PXT1: variants seen among roughly 807,000 people sequenced by gnomAD.
The protein encoded by PXT1 is peroxisomal testis enriched protein 1, also known as peroxisomal testis-specific protein 1.
A neutral mutation model predicts 11.0 loss-of-function variants in PXT1; 11 were observed. The observed-to-expected ratio is 1.00, with a 90% CI of 0.63 to 1.66. PXT1 has a LOEUF of 1.66. Among genes scored for constraint, PXT1 ranks in the 40% most tolerant of loss-of-function variants. The probability of loss-of-function intolerance (pLI) is 0.00; values close to 1 mark genes in which losing one functional copy is unlikely to be tolerated. For missense variants in PXT1, 141 were observed against 155.5 expected (o/e 0.91, Z 0.49); for synonymous variants, 43 against 51.4 (o/e 0.84, Z 0.70).
chr6:36,410,144 G>GGAGAGAGAGA (rs146278596), intron 3 of PXT1, among the ~76,000 whole-genome samples: 20 of 140,562 alleles, frequency 1.4e-4, no homozygotes, highest in East Asian at 4.4e-4. Context: ...AAGGAAGGAA[G>GGAGAGAGAGA]GAGAGAGAGA....
rs879441761 is a variant in PXT1 at position 36,425,802 on chromosome 6, A to AAAACAAACAAAC, written c.169+111_169+112insGTTTGTTTGTTT. 4.9e-3 allele frequency: 1,672 copies of AAAACAAACAAAC among 343,402 alleles called. 6 individuals carry two copies. Among genetic ancestry groups the AAAACAAACAAAC allele is most frequent in the Non-Finnish European group, 5.5e-3 (1,189 of 214,740 alleles). The allele number at this position is 343,402 out of a possible 1,614,324, so 21.3% of individuals were successfully genotyped here. A position where few individuals can be genotyped will look rare whatever the true frequency, so the allele number is the denominator to read the frequency against. ...GACTCTGTCTCAAAAAACAAAAACA[A>AAAACAAACAAAC]AAAATATATATATATATATATATAT... On this transcript the variant is annotated intron_variant, in intron 3 of 4. Coordinates refer to ENST00000454782, the MANE Select transcript of PXT1 (RefSeq NM_152990.4).
chr6:36,428,846 G>A (rs956744712), intron 2 of PXT1, among the ~76,000 whole-genome samples: 1 of 151,956 alleles, frequency 6.6e-6, no homozygotes, highest in African/African-American at 2.4e-5. Context: ...AGTAGAGACG[G>A]GGTTTCACCA....
intron 3 of PXT1, among the ~76,000 whole-genome samples, chr6:36,416,734 G>A (rs961438515): frequency 1.3e-5 from 2 of 152,158 alleles, no homozygotes; most frequent in Non-Finnish European, 2.9e-5. Context: ...ACTAGACCTG[G>A]TGATAGACAC....
chr6:36,413,411 C>T (rs1442193416), intron 3 of PXT1, among the ~76,000 whole-genome samples: 1 of 130,212 alleles, frequency 7.7e-6, no homozygotes, highest in Admixed American at 7.6e-5. Context: ...AGCGAGACTC[C>T]ATCTCAAAAA....
intron 2 of PXT1, among the ~76,000 whole-genome samples, chr6:36,430,007 G>A (rs1327678140): frequency 6.6e-6 from 1 of 151,748 alleles, no homozygotes; most frequent in African/African-American, 2.4e-5. Flanking sequence ...AGGAGCTCGA[G>A]AGTAGCCTGG....
chr6:36,392,911 A>G (rs999820010), intron 4 of PXT1, among the ~76,000 whole-genome samples: 6 of 151,936 alleles, frequency 3.9e-5, no homozygotes, highest in African/African-American at 9.7e-5. Flanking sequence ...CACTTAGAAA[A>G]AAAGTCCTTG....
At chr6:36,408,393 G>A (rs1774320003) in intron 3 of PXT1, among the ~76,000 whole-genome samples, 1 of 151,038 alleles carries the variant, frequency 6.6e-6, no homozygotes, top group Non-Finnish European at 1.5e-5. Flanking sequence ...CTCCCAAGTA[G>A]CTGGGACTAC....
At chr6:36,396,181 C>T (rs538458673) in intron 4 of PXT1, among the ~76,000 whole-genome samples, 1 of 152,340 alleles carries the variant, frequency 6.6e-6, no homozygotes, top group African/African-American at 2.4e-5. Flanking sequence ...CTCATATTTA[C>T]AGCCCACTGG....
intron 1 of PXT1, among the ~76,000 whole-genome samples, chr6:36,441,215 G>T (rs879738822): frequency 1.3e-5 from 2 of 152,076 alleles, no homozygotes; most frequent in Admixed American, 1.3e-4. Flanking sequence ...ATATCAGAAG[G>T]TTTTTTATTT....
At chr6:36,411,132 C>G (rs920476737) in intron 3 of PXT1, among the ~76,000 whole-genome samples, 1 of 152,128 alleles carries the variant, frequency 6.6e-6, no homozygotes, top group African/African-American at 2.4e-5. Flanking sequence ...GTTCATCTTA[C>G]AATTGATGGA....
chr6:36,404,519 G>A (rs1774259587), intron 3 of PXT1, among the ~76,000 whole-genome samples: 1 of 152,106 alleles, frequency 6.6e-6, no homozygotes. Flanking sequence ...ATGGACTCTT[G>A]CCATGTTGCC....
intron 3 of PXT1, among the ~76,000 whole-genome samples, chr6:36,423,344 G>T (rs1200802798): frequency 6.6e-6 from 1 of 152,258 alleles, no homozygotes; most frequent in African/African-American, 2.4e-5. Context: ...ACTTTAGCTG[G>T]GCGCGCGACC....
chr6:36,441,188 A>G (rs1774857777), intron 1 of PXT1, among the ~76,000 whole-genome samples: 1 of 152,090 alleles, frequency 6.6e-6, no homozygotes, highest in Admixed American at 6.6e-5. Flanking sequence ...ATTTGTTTCA[A>G]GAACTGTTTT....
chr6:36,411,682 C>T (rs1173146939), intron 3 of PXT1, among the ~76,000 whole-genome samples: 1 of 152,166 alleles, frequency 6.6e-6, no homozygotes, highest in East Asian at 1.9e-4. Flanking sequence ...TGGCTCATGC[C>T]TGTAACCCCA....
intron 4 of PXT1, among the ~76,000 whole-genome samples, chr6:36,394,307 T>C (rs927045023): frequency 5.9e-5 from 9 of 152,230 alleles, no homozygotes; most frequent in African/African-American, 1.9e-4. Flanking sequence ...CATAGGGTTA[T>C]TGGGGGAATT....
intron 1 of PXT1, among the ~76,000 whole-genome samples, chr6:36,441,744 C>T: frequency 6.6e-6 from 1 of 152,156 alleles, no homozygotes; most frequent in East Asian, 1.9e-4. Flanking sequence ...TGGAAAATGA[C>T]CCTCTAGGCC....
chr6:36,429,271 CA>C (rs1204448264), intron 2 of PXT1, among the ~76,000 whole-genome samples: 4 of 69,506 alleles, frequency 5.8e-5, no homozygotes, highest in Non-Finnish European at 8.2e-5. Context: ...GACCCTGTCT[CA>C]AAAAAAAAAA....
intron 2 of PXT1, among the ~76,000 whole-genome samples, chr6:36,427,266 G>T (rs1196385760): frequency 6.6e-6 from 1 of 152,174 alleles, no homozygotes; most frequent in Non-Finnish European, 1.5e-5. Flanking sequence ...CTCCCAAAGT[G>T]CTGGGATTAC....
chr6:36,409,867 A>G (rs1051506690), intron 3 of PXT1, among the ~76,000 whole-genome samples: 12 of 149,046 alleles, frequency 8.1e-5, no homozygotes, highest in East Asian at 2.0e-4. Context: ...GGAAGGAGAA[A>G]GAAAAGAAAA....
Sources: allele counts gnomAD v4.1 joint callset (sites outside exome capture counted in the v4.1 genomes callset), GRCh38; gene constraint gnomAD v4.1.1; transcripts MANE v1.5; gene names NCBI Gene and HGNC (gene_info 2026-07-23, HGNC 2026-07-21).